Variants in SEMA5B observed in about 807,000 individuals in gnomAD.
The protein encoded by SEMA5B is semaphorin-5B.
In SEMA5B, 66 loss-of-function variants were observed where a neutral mutation model predicts 135.0. The ratio of observed to expected loss-of-function variants is 0.49; its 90% CI spans 0.40 to 0.60. The LOEUF (loss-of-function observed/expected upper bound fraction) is 0.60. SEMA5B is among the 20% of genes least tolerant of loss of function. The probability of loss-of-function intolerance (pLI) is 0.00; values close to 1 mark genes in which losing one functional copy is unlikely to be tolerated. For missense variants in SEMA5B, 1,501 were observed against 1,566.3 expected (o/e 0.96, Z 0.70); for synonymous variants, 690 against 639.5 (o/e 1.08, Z -1.19).
intron 5 of SEMA5B, among the ~76,000 whole-genome samples, chr3:122,935,682 C>CTTTTTTTTTTTTTTTT (rs1402707939): frequency 2.8e-5 from 2 of 70,738 alleles, no homozygotes; most frequent in African/African-American, 1.1e-4. Flanking sequence ...CTTTTTCTTT[C>CTTTTTTTTTTTTTTTT]TTTCTTTTTT....
chr3:122,940,118 C>G (rs180695330), intron 4 of SEMA5B, among the ~76,000 whole-genome samples: 1 of 152,272 alleles, frequency 6.6e-6, no homozygotes, highest in South Asian at 2.1e-4. Flanking sequence ...CCTCTCCCCA[C>G]AGTCCAGCCT....
At chr3:123,013,241 A>G (rs530042195) in intron 1 of SEMA5B, among the ~76,000 whole-genome samples, 1 of 152,138 alleles carries the variant, frequency 6.6e-6, no homozygotes, top group East Asian at 1.9e-4. Context: ...TGCTGTGAGG[A>G]ATTTCATGAG....
intron 4 of SEMA5B, among the ~76,000 whole-genome samples, chr3:122,940,420 G>A (rs918539992): frequency 1.3e-5 from 2 of 152,226 alleles, no homozygotes; most frequent in South Asian, 4.1e-4. Flanking sequence ...GAGGAATGGT[G>A]TGATGCACAT....
At chr3:122,925,085 C>T (rs1043419439) in intron 9 of SEMA5B, among the ~76,000 whole-genome samples, 4 of 152,178 alleles carry the variant, frequency 2.6e-5, no homozygotes, top group African/African-American at 7.2e-5. Flanking sequence ...TCCTGACTCT[C>T]GTTTCGGTCC....
chr3:122,971,679 CTT>C (rs1477154959), intron 1 of SEMA5B, among the ~76,000 whole-genome samples: 2 of 152,248 alleles, frequency 1.3e-5, no homozygotes, highest in Admixed American at 1.3e-4. Flanking sequence ...TGTTCACACA[CTT>C]ATTGCTGCAT....
intron 1 of SEMA5B, among the ~76,000 whole-genome samples, chr3:123,014,199 C>A (rs554524133): frequency 1.3e-5 from 2 of 152,296 alleles, no homozygotes; most frequent in East Asian, 1.9e-4. Flanking sequence ...TCCTCACTAC[C>A]AGAAAGGGGT....
At chr3:123,002,181 C>G (rs1038875773) in intron 1 of SEMA5B, among the ~76,000 whole-genome samples, 7 of 152,158 alleles carry the variant, frequency 4.6e-5, no homozygotes, top group Non-Finnish European at 8.8e-5. Flanking sequence ...GAAGAGGAGT[C>G]TGGAGGGCAT....
At chr3:122,982,565 G>A (rs1166584984) in intron 1 of SEMA5B, among the ~76,000 whole-genome samples, 3 of 152,166 alleles carry the variant, frequency 2.0e-5, no homozygotes. Flanking sequence ...TTGGCAAAAA[G>A]CATTCAACAG....
At chr3:122,984,463 C>T (rs1024280954) in intron 1 of SEMA5B, among the ~76,000 whole-genome samples, 1 of 152,228 alleles carries the variant, frequency 6.6e-6, no homozygotes, top group Non-Finnish European at 1.5e-5. Context: ...GCCCATGCCT[C>T]TTCACGTCCG....
chr3:122,911,374 G>T, intron 21 of SEMA5B, 117 bp downstream of exon 21: 1 of 1,551,372 alleles, frequency 6.4e-7, no homozygotes, highest in East Asian at 2.4e-5. Flanking sequence ...TCAAAGCAGT[G>T]GGGACCCCAA....
chr3:122,984,192 T>C (rs973223450), intron 1 of SEMA5B, among the ~76,000 whole-genome samples: 4 of 152,336 alleles, frequency 2.6e-5, no homozygotes, highest in Admixed American at 2.0e-4. Context: ...CTCATTCACA[T>C]AGGGCCATAG....
Position 122,912,345 on chromosome 3 carries a change from G to T in SEMA5B, c.2726-3C>A. The T allele has an allele frequency of 6.3e-7, 1 of 1,586,914 alleles. No individual in the cohort carries two copies. The highest frequency in any genetic ancestry group is 8.6e-7 in the Non-Finnish European group (1 of 1,166,500). Reference sequence around the variant, plus strand: ...CCAGCAGGACCAAGCACCCCGAACTGCAAGGGGACGGGGTGTGTGAGGGGC... The same window carrying T: ...CCAGCAGGACCAAGCACCCCGAACTTCAAGGGGACGGGGTGTGTGAGGGGC... On this transcript the variant is annotated splice_polypyrimidine_tract_variant and splice_region_variant and intron_variant, in intron 18 of 22. Transcript: ENST00000357599.
intron 1 of SEMA5B, among the ~76,000 whole-genome samples, chr3:123,013,506 T>G (rs1942484379): frequency 6.6e-6 from 1 of 152,272 alleles, no homozygotes; most frequent in South Asian, 2.1e-4. Flanking sequence ...GATGGCCATT[T>G]TACATATGAG....
At chr3:122,984,297 C>T (rs1485318597) in intron 1 of SEMA5B, among the ~76,000 whole-genome samples, 2 of 152,248 alleles carry the variant, frequency 1.3e-5, no homozygotes, top group Admixed American at 1.3e-4. Flanking sequence ...CCCAATCCCA[C>T]AGCTAATGAA....
At chr3:122,972,074 G>A (rs1941145623) in intron 1 of SEMA5B, among the ~76,000 whole-genome samples, 1 of 152,180 alleles carries the variant, frequency 6.6e-6, no homozygotes, top group African/African-American at 2.4e-5. Context: ...CTCCAGTGTG[G>A]AGAGTTTTGA....
At chr3:122,949,065 C>G (rs1480905662) in intron 2 of SEMA5B, among the ~76,000 whole-genome samples, 5 of 152,250 alleles carry the variant, frequency 3.3e-5, no homozygotes, top group Admixed American at 6.5e-5. Context: ...GGATCCATAA[C>G]TCATACTTTA....
At chr3:122,923,014 C>G (rs1224786162) in intron 10 of SEMA5B, among the ~76,000 whole-genome samples, 2 of 152,192 alleles carry the variant, frequency 1.3e-5, no homozygotes, top group African/African-American at 2.4e-5. Context: ...TGTCCAAGGT[C>G]ACACAGAGAT....
intron 2 of SEMA5B, among the ~76,000 whole-genome samples, chr3:122,954,949 G>A (rs1313986249): frequency 6.7e-6 from 1 of 150,138 alleles, no homozygotes; most frequent in Non-Finnish European, 1.5e-5. Flanking sequence ...CATACCACCA[G>A]GCTGGGCAAT....
At chr3:122,933,609 C>T (rs1315107129) in intron 5 of SEMA5B, among the ~76,000 whole-genome samples, 3 of 152,098 alleles carry the variant, frequency 2.0e-5, no homozygotes, top group Admixed American at 6.6e-5. Context: ...AATTTTCTTA[C>T]GTTAGTTCAT....
Sources: allele counts gnomAD v4.1 joint callset (sites outside exome capture counted in the v4.1 genomes callset), GRCh38; gene constraint gnomAD v4.1.1; transcripts MANE v1.5; gene names NCBI Gene and HGNC (gene_info 2026-07-23, HGNC 2026-07-21).